CDON: variants seen among roughly 807,000 people sequenced by gnomAD.
CDON encodes cell adhesion molecule-related/down-regulated by oncogenes.
A neutral mutation model predicts 120.9 loss-of-function variants in CDON; 73 were observed. The observed-to-expected ratio is 0.60, with a 90% confidence interval of 0.50 to 0.73. The LOEUF is 0.73. Ranked by LOEUF, CDON falls within the 30% of genes least tolerant of loss-of-function variation. CDON has a pLI of 0.00. For synonymous variants in CDON, 566 were observed against 573.5 expected, an observed-to-expected ratio of 0.99 and a Z score of 0.19; for missense variants, 1,470 against 1,587.3, an observed-to-expected ratio of 0.93 and a Z score of 1.26.
chr11:126,053,417 A>G (rs982916323), intron 1 of CDON, among the ~76,000 whole-genome samples: 18 of 152,216 alleles, frequency 1.2e-4, no homozygotes, highest in African/African-American at 4.1e-4. Flanking sequence ...AGCTGTCGTT[A>G]TATCATGGCC....
At chr11:125,962,144 T>C (rs1945664231) in intron 18 of CDON, 146 bp from the exon 19 acceptor site, 1 of 707,828 alleles carries the variant, frequency 1.4e-6, no homozygotes, top group Non-Finnish European at 2.5e-6. Flanking sequence ...TGATTCACTA[T>C]GATTTGAAAT....
intron 1 of CDON, among the ~76,000 whole-genome samples, chr11:126,045,202 A>AT (rs776205550): frequency 6.6e-6 from 1 of 151,958 alleles, no homozygotes; most frequent in African/African-American, 2.4e-5. Context: ...ATTTTTTTGT[A>AT]TTTTTAGTAG....
At chr11:126,058,205 C>G (rs1948720306) in intron 1 of CDON, among the ~76,000 whole-genome samples, 1 of 152,164 alleles carries the variant, frequency 6.6e-6, no homozygotes, top group African/African-American at 2.4e-5. Context: ...TATATTTTTT[C>G]TCGAGTAAGA....
chr11:125,980,164 T>C (rs1946256598), intron 17 of CDON, among the ~76,000 whole-genome samples: 1 of 152,214 alleles, frequency 6.6e-6, no homozygotes, highest in South Asian at 2.1e-4. Flanking sequence ...AATATAGATG[T>C]GCATCCAAAC....
chr11:125,981,945 C>G (rs932872896), intron 16 of CDON, among the ~76,000 whole-genome samples: 15 of 136,226 alleles, frequency 1.1e-4, no homozygotes, highest in African/African-American at 3.9e-4. Context: ...TGTGGAGTAC[C>G]AAAGGCAAAA....
rs532553820 is a variant in CDON, at chr11:126,007,303, A to G, written c.1553-1246T>C. On this transcript the variant is annotated intron_variant, in intron 8 of 19. Coordinates refer to ENST00000531738, the MANE Select transcript of CDON (RefSeq NM_001378964.1). The stretch of plus-strand genomic sequence containing the variant: ...TAAGGTTAGTTCTCTGTTAGTTTAA[A>G]AGAGAGAAAGGGTGTCCCAGAAGCA... Among the ~76,000 whole-genome samples the G allele has an allele frequency of 6.2e-4, 94 of 152,356 alleles. 1 individual carries two copies. The highest frequency in any genetic ancestry group is 1.0e-3 in the South Asian group (5 of 4,832).
chr11:125,966,484 G>A (rs558633448), intron 18 of CDON, among the ~76,000 whole-genome samples: 7 of 152,214 alleles, frequency 4.6e-5, no homozygotes, highest in South Asian at 2.1e-4. Flanking sequence ...AGGAGGCACC[G>A]TATGGCGAAA....
In CDON at chr11:125,957,429, C is replaced by T. The variant is rs1402633459; in HGVS notation, c.*3513G>A. 1 of 152,160 alleles carries T rather than the reference C, an allele frequency of 6.6e-6. No individual in the cohort carries two copies. Among genetic ancestry groups the T allele is most frequent in the Non-Finnish European group, 1.5e-5 (1 of 68,022 alleles). The allele number at this position is 152,160 out of a possible 1,614,324, so 9.4% of individuals were successfully genotyped here. A position where few individuals can be genotyped will look rare whatever the true frequency, so the allele number is the denominator to read the frequency against. ...CAGCGTTGTACAAACAGGGAGTATT[C>T]CCACCTTCAGGGGCTATGCTATATG... is the stretch of plus-strand genomic sequence containing the variant. On this transcript the variant is annotated 3_prime_UTR_variant, in exon 20 of 20. Coordinates refer to ENST00000531738, the MANE Select transcript of CDON (RefSeq NM_001378964.1).
chr11:126,041,445 A>G (rs1948260593), intron 1 of CDON, among the ~76,000 whole-genome samples: 1 of 152,170 alleles, frequency 6.6e-6, no homozygotes, highest in African/African-American at 2.4e-5. Context: ...GACTCTCTTC[A>G]CACACTTATG....
intron 1 of CDON, among the ~76,000 whole-genome samples, chr11:126,055,050 G>T (rs1948650904): frequency 6.6e-6 from 1 of 152,290 alleles, no homozygotes; most frequent in Middle Eastern, 3.4e-3. Context: ...GACTTTAAAG[G>T]ATTTTAATGA....
chr11:125,981,970 CTTTTTTTTTTTTTTTTTTTTTTTT>C lies in CDON; in HGVS notation c.2996-665_2996-642del. Among the ~76,000 whole-genome samples, 2 of 54,296 alleles carry C rather than the reference CTTTTTTTTTTTTTTTTTTTTTTTT, an allele frequency of 3.7e-5. 1 individual carries two copies. The highest frequency in any genetic ancestry group is 1.6e-4 in the African/African-American group (2 of 12,438). 35.6% of individuals were successfully genotyped at this position (54,296 alleles called of 152,430 possible). A position where few individuals can be genotyped will look rare whatever the true frequency, so the allele number is the denominator to read the frequency against. On this transcript the variant is annotated intron_variant, in intron 16 of 19. Transcript: ENST00000531738. ...CAAAGGCAAAAAGTGATTCTATTTTCTTTTTTTTTTTTTTTTTTTTTTTTTTTTTTGAGATGGAGTTTCGCTCTT... is the reference window on the plus strand; with the variant it reads ...CAAAGGCAAAAAGTGATTCTATTTTCTTTTTTGAGATGGAGTTTCGCTCTT...
intron 1 of CDON, among the ~76,000 whole-genome samples, chr11:126,039,505 TA>T (rs1378373478): frequency 6.6e-6 from 1 of 152,226 alleles, no homozygotes; most frequent in African/African-American, 2.4e-5. Context: ...CAGACGAATA[TA>T]AAACCTTCAT....
chr11:126,030,199 A>C (rs1947907156), intron 1 of CDON, among the ~76,000 whole-genome samples: 1 of 152,230 alleles, frequency 6.6e-6, no homozygotes, highest in South Asian at 2.1e-4. Context: ...TCATCTTAGA[A>C]TAAGAAAGGA....
intron 1 of CDON, among the ~76,000 whole-genome samples, chr11:126,025,117 A>G (rs1263803559): frequency 6.6e-6 from 1 of 152,310 alleles, no homozygotes; most frequent in Admixed American, 6.5e-5. Context: ...AGGCAGGACA[A>G]TCGCTTGAAC....
At position 126,021,439 on chromosome 11, in the gene CDON, T is replaced by C. The variant is rs1370636072; in HGVS notation, c.158A>G (p.Gln53Arg). ...GGPVVLHCSA[Q>R]PVTTRISWLH... ...CCATGAGATACGAGTGGTCACAGGTTGAGCAGAACAATGCAGTACTACAGG... is the reference window on the plus strand; with the variant it reads ...CCATGAGATACGAGTGGTCACAGGTCGAGCAGAACAATGCAGTACTACAGG... The change falls in exon 3 of 20, where the codon CAA (glutamine) becomes CGA (arginine). Residue 53 changes from glutamine (Q) to arginine (R), a missense_variant. Transcript: ENST00000531738. 1 of 1,614,112 alleles carries C rather than the reference T, an allele frequency of 6.2e-7. No individual in the cohort carries two copies. Among genetic ancestry groups the C allele is most frequent in the South Asian group, 1.1e-5 (1 of 91,072 alleles).
At chr11:125,997,588 A>G (rs1045310254) in intron 11 of CDON, among the ~76,000 whole-genome samples, 178 bp from the exon 12 acceptor site, 1 of 152,194 alleles carries the variant, frequency 6.6e-6, no homozygotes, top group African/African-American at 2.4e-5. Flanking sequence ...TAATGGGAAT[A>G]CAGGAAATAA....
chr11:126,026,815 G>T (rs189956999), intron 1 of CDON, among the ~76,000 whole-genome samples: 36 of 152,338 alleles, frequency 2.4e-4, no homozygotes, highest in Admixed American at 2.0e-3. Flanking sequence ...TCAAGGCAAA[G>T]TAAACATTCA....
In CDON at chr11:125,957,595, G is replaced by A; in HGVS notation, c.*3347C>T. ...AACATACTTTTCAATATGATACAAA[G>A]CATGCATCTCAAAGTCATTACTTTA... On this transcript the variant is annotated 3_prime_UTR_variant, in exon 20 of 20. Transcript: ENST00000531738. The A allele has an allele frequency of 6.6e-6, 1 of 152,044 alleles. No individual in the cohort carries two copies. Among genetic ancestry groups the A allele is most frequent in the East Asian group, 1.9e-4 (1 of 5,184 alleles). The allele number at this position is 152,044 out of a possible 1,614,324, so 9.4% of individuals were successfully genotyped here.
At chr11:126,007,742 T>C (rs891600001) in intron 8 of CDON, among the ~76,000 whole-genome samples, 5 of 152,182 alleles carry the variant, frequency 3.3e-5, no homozygotes, top group Non-Finnish European at 7.3e-5. Context: ...ATGAGACCTC[T>C]CCAGAACTTT....
Sources: allele counts gnomAD v4.1 joint callset (sites outside exome capture counted in the v4.1 genomes callset), GRCh38; gene constraint gnomAD v4.1.1; transcripts MANE v1.5; gene names NCBI Gene and HGNC (gene_info 2026-07-23, HGNC 2026-07-21).